Variants in GRAMD1C observed in about 807,000 individuals in gnomAD.
The protein encoded by GRAMD1C is protein Aster-C.
GRAMD1C carries 89 observed loss-of-function variants against 97.8 expected under a neutral mutation model. That is an observed-to-expected ratio of 0.91 (90% confidence interval 0.77 to 1.09). The LOEUF is 1.09. Among genes scored for constraint, GRAMD1C ranks in the 50% least tolerant of loss-of-function variants. The pLI is 0.00. For synonymous variants in GRAMD1C, 256 were observed against 267.0 expected (o/e 0.96, Z 0.40); for missense variants, 740 against 766.4 (o/e 0.97, Z 0.41).
intron 3 of GRAMD1C, among the ~76,000 whole-genome samples, chr3:113,870,343 C>CCCTG (rs1313419199): frequency 6.6e-6 from 1 of 150,972 alleles, no homozygotes; most frequent in Non-Finnish European, 1.5e-5. Flanking sequence ...CCCTGGGCAA[C>CCCTG]AGAGTGAGAC....
chr3:113,890,930 GC>G, intron 6 of GRAMD1C: 1 of 516,198 alleles, frequency 1.9e-6, no homozygotes, highest in Non-Finnish European at 3.4e-6. Flanking sequence ...ACCCACCATA[GC>G]CAAGAAACAC....
intron 2 of GRAMD1C, among the ~76,000 whole-genome samples, chr3:113,849,130 T>A (rs1369784003): frequency 6.6e-6 from 1 of 152,074 alleles, no homozygotes; most frequent in Non-Finnish European, 1.5e-5. Flanking sequence ...TGCAAATTCT[T>A]TTAGCGATAT....
In GRAMD1C at chr3:113,945,659, A is replaced by C; in HGVS notation, c.*181A>C. The C allele has an allele frequency of 3.7e-6, 2 of 539,950 alleles. No homozygotes were observed. The highest frequency in any genetic ancestry group is 3.7e-5 in the Admixed American group (1 of 26,992). The allele number at this position is 539,950 out of a possible 1,614,324, so 33.4% of individuals were successfully genotyped here. ...ATAATTAGTTTCTGCTGGCCTTAAT[A>C]ATCCATCCTTTCACTTCTTATAGAT... On this transcript the variant is annotated 3_prime_UTR_variant, in exon 18 of 18. Transcript: ENST00000358160.
intron 1 of GRAMD1C, among the ~76,000 whole-genome samples, chr3:113,828,861 T>C (rs1051608345): frequency 6.6e-6 from 1 of 152,142 alleles, no homozygotes; most frequent in African/African-American, 2.4e-5. Context: ...TCATAGAACT[T>C]ATCATTATAA....
intron 2 of GRAMD1C, among the ~76,000 whole-genome samples, chr3:113,854,064 A>G (rs1934022786): frequency 6.6e-6 from 1 of 152,170 alleles, no homozygotes; most frequent in Non-Finnish European, 1.5e-5. Flanking sequence ...GGTCAGTGCA[A>G]CTGGGTACAT....
chr3:113,851,522 CTTTT>C (rs35669503), intron 2 of GRAMD1C, among the ~76,000 whole-genome samples: 1 of 133,598 alleles, frequency 7.5e-6, no homozygotes, highest in Non-Finnish European at 1.6e-5. Flanking sequence ...TTCTTTCTTT[CTTTT>C]TTTTTTTTTT....
chr3:113,854,281 T>C (rs1934032486), intron 2 of GRAMD1C, among the ~76,000 whole-genome samples: 1 of 152,040 alleles, frequency 6.6e-6, no homozygotes. Flanking sequence ...GCAGGCATGA[T>C]ACTTAAAGAC....
intron 2 of GRAMD1C, among the ~76,000 whole-genome samples, chr3:113,866,488 G>GT (rs1447102877): frequency 1.3e-5 from 2 of 151,972 alleles, no homozygotes; most frequent in Non-Finnish European, 2.9e-5. Context: ...GTTTTATCTA[G>GT]TTTGACAATT....
chr3:113,871,634 A>G (rs886892048), intron 3 of GRAMD1C, among the ~76,000 whole-genome samples: 7 of 149,688 alleles, frequency 4.7e-5, no homozygotes, highest in South Asian at 2.2e-4. Flanking sequence ...AGTCCCAGCT[A>G]CTTGGGAGGC....
chr3:113,857,343 G>A (rs976640121), intron 2 of GRAMD1C, among the ~76,000 whole-genome samples: 2 of 150,640 alleles, frequency 1.3e-5, no homozygotes, highest in Admixed American at 1.3e-4. Context: ...TTTTGTAGAT[G>A]CTCTTAATCA....
At chr3:113,885,689 A>C in intron 6 of GRAMD1C, 1 of 1,525,248 alleles carries the variant, frequency 6.6e-7, no homozygotes, top group East Asian at 2.3e-5. Context: ...TGGTGTTTAC[A>C]GAAAGCATGG....
At chr3:113,839,127 G>A (rs1039266925) in intron 1 of GRAMD1C, among the ~76,000 whole-genome samples, 191 bp downstream of exon 1, 1 of 152,150 alleles carries the variant, frequency 6.6e-6, no homozygotes. Flanking sequence ...CTTTCCCTAC[G>A]GGCGGTGGTG....
chr3:113,887,631 C>T (rs1409685888), intron 6 of GRAMD1C, among the ~76,000 whole-genome samples: 1 of 149,834 alleles, frequency 6.7e-6, no homozygotes, highest in Non-Finnish European at 1.5e-5. Context: ...TGGCGTGAAC[C>T]CAGGAGGTGG....
intron 9 of GRAMD1C, among the ~76,000 whole-genome samples, chr3:113,910,143 G>A (rs1347448366): frequency 1.3e-5 from 2 of 152,158 alleles, no homozygotes; most frequent in Non-Finnish European, 2.9e-5. Context: ...CAGCACTTTG[G>A]AAGGCCGAGG....
intron 6 of GRAMD1C, chr3:113,885,294 C>T: frequency 1.3e-6 from 2 of 1,516,518 alleles, no homozygotes; most frequent in South Asian, 2.3e-5. Flanking sequence ...CCGGGGTCAT[C>T]CGGATGGTGC....
intron 8 of GRAMD1C, among the ~76,000 whole-genome samples, chr3:113,905,587 T>C (rs1936341160): frequency 6.6e-6 from 1 of 152,200 alleles, no homozygotes; most frequent in African/African-American, 2.4e-5. Flanking sequence ...TTATACTTTA[T>C]AAGGTCTTTT....
At chr3:113,866,968 A>G (rs1057468930) in intron 2 of GRAMD1C, among the ~76,000 whole-genome samples, 12 of 151,984 alleles carry the variant, frequency 7.9e-5, no homozygotes, top group Non-Finnish European at 1.6e-4. Context: ...AGCTGAGATT[A>G]CAGGTGCCTG....
intron 1 of GRAMD1C, among the ~76,000 whole-genome samples, chr3:113,831,454 A>G (rs1367125479): frequency 6.6e-6 from 1 of 152,038 alleles, no homozygotes; most frequent in African/African-American, 2.4e-5. Context: ...AATTTTTTGT[A>G]GATCTTTATA....
intron 10 of GRAMD1C, among the ~76,000 whole-genome samples, chr3:113,917,856 CTT>C (rs71144097): frequency 0.44 from 18,320 of 41,820 alleles, 2,504 homozygotes; most frequent in South Asian, 0.53. Flanking sequence ...CCATGCTTGG[CTT>C]TTTTTTTTTT....
Sources: gnomAD v4.1 joint callset for allele counts (sites outside exome capture counted in the v4.1 genomes callset) on GRCh38, gnomAD v4.1.1 for gene constraint, MANE v1.5 for transcripts, NCBI Gene and HGNC (gene_info 2026-07-23, HGNC 2026-07-21) for gene names.